The following LDHA variants were observed in gnomAD, a reference collection of about 807,000 sequenced individuals.
LDHA encodes the protein lactate dehydrogenase A.
Under a neutral mutation model 36.3 loss-of-function variants are expected in LDHA, and 10 were observed. The ratio of observed to expected loss-of-function variants is 0.28; its 90% CI spans 0.17 to 0.47. LDHA has a LOEUF of 0.47. LDHA is among the 20% of genes least tolerant of loss of function. The pLI is 0.99. For missense variants in LDHA, 267 were observed against 405.8 expected (o/e 0.66, Z 2.94); for synonymous variants, 110 against 136.7 (o/e 0.80, Z 1.36).
Position 18,403,708 on chromosome 11 carries a change from GGAAT to G in LDHA, c.613_616del (p.Asn205LeufsTer6). 1 of 1,587,896 alleles carries G rather than the reference GGAAT, an allele frequency of 6.3e-7. No individual in the cohort carries two copies. The highest frequency in any genetic ancestry group is 8.6e-7 in the Non-Finnish European group (1 of 1,156,286). On this transcript the variant is annotated frameshift_variant, in exon 6 of 8. Coordinates refer to ENST00000422447, the MANE Select transcript of LDHA (RefSeq NM_005566.4). LOFTEE classifies it high-confidence loss of function. ...ATTTCTTTTAGTGCCTGTATGGAGT[GGAAT>G]GAATGTTGCTGGTGTCTCTCTGAAG...
In LDHA at chr11:18,407,215, G is replaced by A. The variant is rs778574836; in HGVS notation, c.933G>A (p.Glu311=). 1.2e-6 allele frequency: 2 copies of A among 1,613,848 alleles called. No homozygotes were observed. Among genetic ancestry groups the A allele is most frequent in the Non-Finnish European group, 1.7e-6 (2 of 1,179,894 alleles). The change falls in exon 8 of 8, where the codon GAG becomes GAA. Residue 311 remains glutamate (E), a synonymous_variant. Transcript: ENST00000422447. ...SDLVKVTLTS[E]EEARLKKSAD... ...TTGTGAAGGTGACTCTGACTTCTGA[G>A]GAAGAGGCCCGTTTGAAGAAGAGTG...
chr11:18,408,403 T>G lies in LDHA; in HGVS notation c.*1122T>G, dbSNP rs938826703. ...TACTCAAGTTTTCTGCACATTTTTC[T>G]GAAAATACAACTGTGACCCTTATCC... On this transcript the variant is annotated 3_prime_UTR_variant, in exon 8 of 8. Transcript: ENST00000422447. 3.7e-5 allele frequency: 13 copies of G among 348,328 alleles called. No individual in the cohort carries two copies. Among genetic ancestry groups the G allele is most frequent in the African/African-American group, 8.6e-5 (4 of 46,644 alleles). The allele number at this position is 348,328 out of a possible 1,614,324, so 21.6% of individuals were successfully genotyped here. A position where few individuals can be genotyped will look rare whatever the true frequency, so the allele number is the denominator to read the frequency against.
intron 6 of LDHA, among the ~76,000 whole-genome samples, chr11:18,404,700 C>T (rs980141264): frequency 3.4e-5 from 5 of 149,060 alleles, no homozygotes; most frequent in Non-Finnish European, 7.4e-5. Context: ...CCCAGCTACT[C>T]GGGAGGCTGA....
chr11:18,406,826 C>T (rs570755425), intron 7 of LDHA: 8 of 249,296 alleles, frequency 3.2e-5, no homozygotes, highest in African/African-American at 1.8e-4. Flanking sequence ...CCAACCTGGC[C>T]AACATGGTGA....
intron 3 of LDHA, chr11:18,400,426 CCACCACACA>C (rs1238477716): frequency 4.2e-5 from 10 of 238,908 alleles, no homozygotes; most frequent in African/African-American, 1.6e-4. Context: ...CCTACCACCA[CCACCACACA>C]CACACACACA....
chr11:18,400,381 A>C, intron 3 of LDHA: 1 of 226,254 alleles, frequency 4.4e-6, no homozygotes, highest in Non-Finnish European at 8.7e-6. Flanking sequence ...TATGTTTGTT[A>C]AGTGTAAAGC....
Position 18,408,040 on chromosome 11 carries a change from GTAT to G in LDHA, c.*763_*765del, listed in dbSNP as rs59010595. The G allele has an allele frequency of 1.3e-3, 591 of 453,938 alleles. 2 individuals carry two copies. The highest frequency in any genetic ancestry group is 0.011 in the African/African-American group (552 of 50,074). The allele number at this position is 453,938 out of a possible 1,614,324, so 28.1% of individuals were successfully genotyped here. The stretch of plus-strand genomic sequence containing the variant: ...TACCACTTCCATTGTAAGTCCCAAA[GTAT>G]TATATATTTGATAATAATGCTAATC... On this transcript the variant is annotated 3_prime_UTR_variant, in exon 8 of 8. Transcript: ENST00000422447.
intron 4 of LDHA, among the ~76,000 whole-genome samples, chr11:18,401,830 GTTTTTTGTTTT>G (rs1866515409): frequency 6.6e-6 from 1 of 151,068 alleles, no homozygotes; most frequent in South Asian, 2.1e-4. Context: ...GTGTGTGTGT[GTTTTTTGTTTT>G]TTAATAATTT....
intron 3 of LDHA, chr11:18,400,293 A>T (rs1181941380): frequency 1.4e-5 from 3 of 209,784 alleles, no homozygotes; most frequent in Non-Finnish European, 2.9e-5. Context: ...CCTGAAAATC[A>T]CTGGCCACCT....
chr11:18,402,797 G>C, intron 4 of LDHA, 43 bp from the exon 5 acceptor site: 1 of 1,455,616 alleles, frequency 6.9e-7, no homozygotes, highest in South Asian at 1.1e-5. Context: ...TTTGTGTGTA[G>C]GGAGAGGATA....
intron 5 of LDHA, among the ~76,000 whole-genome samples, chr11:18,403,478 G>C (rs941560277): frequency 6.6e-6 from 1 of 152,196 alleles, no homozygotes; most frequent in Non-Finnish European, 1.5e-5. Flanking sequence ...CAATTGGCTA[G>C]AGAAACAGGT....
intron 4 of LDHA, 120 bp from the exon 5 acceptor site, chr11:18,402,720 A>G: frequency 1.3e-6 from 1 of 783,356 alleles, no homozygotes; most frequent in Non-Finnish European, 2.3e-6. Flanking sequence ...TATCTGGAGT[A>G]GCCTATTATT....
chr11:18,394,579 C>T lies in LDHA; in HGVS notation c.-82C>T, dbSNP rs1243540483. The stretch of plus-strand genomic sequence containing the variant: ...CAGCTCAGAGTGCTGCAGCCGCTGC[C>T]GCCGATTCCGGATCTCATTGCCACG... On this transcript the variant is annotated 5_prime_UTR_variant, in exon 1 of 8. Transcript: ENST00000422447. The T allele has an allele frequency of 2.2e-6, 1 of 454,126 alleles. No homozygotes were observed. Among genetic ancestry groups the T allele is most frequent in the Admixed American group, 2.3e-5 (1 of 42,578 alleles). 28.1% of individuals were successfully genotyped at this position (454,126 alleles called of 1,614,324 possible).
intron 7 of LDHA, 46 bp downstream of exon 7, chr11:18,405,618 CT>C (rs773945378): frequency 1.2e-6 from 2 of 1,601,304 alleles, no homozygotes; most frequent in Admixed American, 1.7e-5. Flanking sequence ...TTTTTGCTGG[CT>C]TTTTAAAAAA....
intron 2 of LDHA, chr11:18,398,999 A>G (rs181049567): frequency 1.8e-5 from 4 of 226,352 alleles, no homozygotes; most frequent in African/African-American, 4.6e-5. Flanking sequence ...GTGAGTCACT[A>G]TGCCCGGCCA....
At chr11:18,405,946 C>A (rs1866667428) in intron 7 of LDHA, 1 of 243,100 alleles carries the variant, frequency 4.1e-6, no homozygotes, top group Non-Finnish European at 8.1e-6. Flanking sequence ...AACTGAACAC[C>A]TGGAAAGGAA....
In LDHA at chr11:18,408,361, T is replaced by A. The variant is rs1866780508; in HGVS notation, c.*1080T>A. 2.8e-6 allele frequency: 1 copy of A among 362,176 alleles called. No homozygotes were observed. Among genetic ancestry groups the A allele is most frequent in the African/African-American group, 2.1e-5 (1 of 46,760 alleles). The allele number at this position is 362,176 out of a possible 1,614,324, so 22.4% of individuals were successfully genotyped here. A position where few individuals can be genotyped will look rare whatever the true frequency, so the allele number is the denominator to read the frequency against. ...ACAAAACAAAACCAAAAAAAACAAG[T>A]AACCTTGGTGGATGTCTACTCAAGT... On this transcript the variant is annotated 3_prime_UTR_variant, in exon 8 of 8. Coordinates refer to ENST00000422447, the MANE Select transcript of LDHA (RefSeq NM_005566.4).
chr11:18,403,673 A>T, intron 5 of LDHA, 21 bp from the exon 6 acceptor site: 1 of 1,279,162 alleles, frequency 7.8e-7, no homozygotes, highest in Non-Finnish European at 1.1e-6. Context: ...AAATAAATGT[A>T]GTCTGTACTA....
chr11:18,394,938 T>G (rs952092743), intron 1 of LDHA: 1 of 347,258 alleles, frequency 2.9e-6, no homozygotes, highest in Non-Finnish European at 5.7e-6. Context: ...GGAACAAGGA[T>G]ATGATAGGCC....
Sources: gnomAD v4.1 joint callset for allele counts (sites outside exome capture counted in the v4.1 genomes callset) on GRCh38, gnomAD v4.1.1 for gene constraint, MANE v1.5 for transcripts, NCBI Gene and HGNC (gene_info 2026-07-23, HGNC 2026-07-21) for gene names.